The following ELAVL3 variants were observed in gnomAD, a reference collection of about 807,000 sequenced individuals.
ELAVL3 encodes the protein ELAV like RNA binding protein 3.
In ELAVL3, 8 loss-of-function variants were observed where a neutral mutation model predicts 34.2. The ratio of observed to expected loss-of-function variants is 0.23; its 90% CI spans 0.14 to 0.42. The LOEUF is 0.42. ELAVL3 is among the 10% of genes least tolerant of loss of function. The pLI is 1.00. For synonymous variants in ELAVL3, 209 were observed against 222.1 expected (o/e 0.94, Z 0.53); for missense variants, 273 against 518.8 (o/e 0.53, Z 4.60).
At chr19:11,470,247 C>T (rs141583541) in intron 1 of ELAVL3, among the ~76,000 whole-genome samples, 1,735 of 152,062 alleles carry the variant, frequency 0.011, 31 homozygotes, top group African/African-American at 0.04. Flanking sequence ...CCCAGCTACT[C>T]GGGAGGCTGA....
At chr19:11,472,832 A>C (rs1404685297) in intron 1 of ELAVL3, among the ~76,000 whole-genome samples, 1 of 152,006 alleles carries the variant, frequency 6.6e-6, no homozygotes, top group African/African-American at 2.4e-5. Flanking sequence ...TGGGAGACCA[A>C]GGGGGGGTGG....
rs1310246473 is a variant in ELAVL3, at chr19:11,458,706, G to T, written c.334-95C>A. 4 of 1,493,398 alleles carry T rather than the reference G, an allele frequency of 2.7e-6. No individual in the cohort carries two copies. The African/African-American group carries it at 5.5e-5, about 21-fold the overall frequency. 92.5% of individuals were successfully genotyped at this position (1,493,398 alleles called of 1,614,324 possible). A position where few individuals can be genotyped will look rare whatever the true frequency, so the allele number is the denominator to read the frequency against. On this transcript the variant is annotated intron_variant, in intron 3 of 6. Coordinates refer to ENST00000359227, the MANE Select transcript of ELAVL3 (RefSeq NM_001420.4). The surrounding 1 kb of genome is among the most constrained non-coding windows in gnomAD (Gnocchi z 7.3). ...TGTCTAAACCATCACGGAGTTAGCA[G>T]AAGTGACCCATCCGTCACTCAATAA...
chr19:11,469,833 G>T (rs978907385), intron 1 of ELAVL3, among the ~76,000 whole-genome samples: 1 of 152,140 alleles, frequency 6.6e-6, no homozygotes, highest in Non-Finnish European at 1.5e-5. Context: ...CAAGGTGGAC[G>T]GATTGCTTGA....
chr19:11,475,035 C>T (rs1300149736), intron 1 of ELAVL3, among the ~76,000 whole-genome samples: 1 of 152,096 alleles, frequency 6.6e-6, no homozygotes, highest in East Asian at 1.9e-4. Flanking sequence ...TCACCGTTAG[C>T]CAGGATGGTC....
intron 3 of ELAVL3, among the ~76,000 whole-genome samples, chr19:11,459,141 T>C: frequency 6.8e-6 from 1 of 146,056 alleles, no homozygotes; most frequent in African/African-American, 2.6e-5. Context: ...TTTTTTTTTT[T>C]GAGATGGAGT....
At chr19:11,465,028 C>CCA (rs1352456442) in intron 3 of ELAVL3, among the ~76,000 whole-genome samples, 1 of 127,776 alleles carries the variant, frequency 7.8e-6, no homozygotes, top group Non-Finnish European at 1.6e-5. Context: ...CATACACACA[C>CCA]CACACACACA....
At position 11,458,429 on chromosome 19, in the gene ELAVL3, G is replaced by T; in HGVS notation, c.487+29C>A. On this transcript the variant is annotated intron_variant, in intron 4 of 6. Transcript: ENST00000359227. The surrounding 1 kb of genome is among the most constrained non-coding windows in gnomAD (Gnocchi z 7.3). ...CTGACTGCCTTTGCCCAGCGCCCCC[G>T]CCAGGTGCACCCTCCCTGACTGCCT... 3 of 1,613,266 alleles carry T rather than the reference G, an allele frequency of 1.9e-6. No individual in the cohort carries two copies. The highest frequency in any genetic ancestry group is 2.5e-6 in the Non-Finnish European group (3 of 1,179,702).
At chr19:11,460,270 G>A (rs1346903821) in intron 3 of ELAVL3, among the ~76,000 whole-genome samples, 2 of 151,834 alleles carry the variant, frequency 1.3e-5, no homozygotes, top group Non-Finnish European at 2.9e-5. Context: ...CACTGCCACT[G>A]TCCCACCCTG....
chr19:11,464,535 G>A (rs1440556978), intron 3 of ELAVL3, among the ~76,000 whole-genome samples: 3 of 148,312 alleles, frequency 2.0e-5, no homozygotes, highest in African/African-American at 7.5e-5. Context: ...GGGACACCTG[G>A]ATCATAAACA....
Position 11,454,451 on chromosome 19 carries a change from C to G in ELAVL3, c.*75G>C. On this transcript the variant is annotated 3_prime_UTR_variant, in exon 7 of 7. Transcript: ENST00000359227. This position sits in a 1 kb window ranked among gnomAD's most constrained non-coding sequence, Gnocchi z 9.2. ...CTGTGCTGTCTCTCTTGGGCCCCTT[C>G]TCTCTCTCTCTCTCTCTTTCTCTCT... 13 of 636,460 alleles carry G rather than the reference C, an allele frequency of 2.0e-5. No individual in the cohort carries two copies. Among genetic ancestry groups the G allele is most frequent in the Non-Finnish European group, 2.6e-5 (12 of 454,602 alleles). 39.4% of individuals were successfully genotyped at this position (636,460 alleles called of 1,614,324 possible). A position where few individuals can be genotyped will look rare whatever the true frequency, so the allele number is the denominator to read the frequency against.
In ELAVL3 at chr19:11,477,865, T is replaced by A. The variant is rs375770225; in HGVS notation, c.9+2735A>T. ...CATCGCGCCCCGCTAACTTTTTATA[T>A]TTGTAGTAGAGACGGTGTTTCACCA... is the stretch of plus-strand genomic sequence containing the variant. On this transcript the variant is annotated intron_variant, in intron 1 of 6. Transcript: ENST00000359227. 1.5e-4 allele frequency among the ~76,000 whole-genome samples: 23 copies of A among 152,172 alleles called. No individual in the cohort carries two copies. The East Asian group carries it at 4.2e-3, about 28-fold the overall frequency.
intron 1 of ELAVL3, among the ~76,000 whole-genome samples, chr19:11,467,145 G>A (rs1289476275): frequency 2.6e-5 from 4 of 152,096 alleles, no homozygotes; most frequent in East Asian, 1.9e-4. Context: ...CTTTCACGTC[G>A]GGCGCAGTGG....
At chr19:11,477,628 T>C (rs1457778718) in intron 1 of ELAVL3, among the ~76,000 whole-genome samples, 1 of 151,946 alleles carries the variant, frequency 6.6e-6, no homozygotes, top group Non-Finnish European at 1.5e-5. Flanking sequence ...TGATATTTGC[T>C]ATAAGAGCCC....
At chr19:11,469,394 C>T (rs1413211844) in intron 1 of ELAVL3, among the ~76,000 whole-genome samples, 1 of 152,198 alleles carries the variant, frequency 6.6e-6, no homozygotes, top group Admixed American at 6.5e-5. Context: ...GATTCTCCTG[C>T]CTTAGCCTCC....
At chr19:11,467,854 A>G (rs1262794054) in intron 1 of ELAVL3, among the ~76,000 whole-genome samples, 1 of 152,144 alleles carries the variant, frequency 6.6e-6, no homozygotes, top group African/African-American at 2.4e-5. Flanking sequence ...CAGTGGTGCC[A>G]TGAAGTCTGA....
At position 11,480,956 on chromosome 19, in the gene ELAVL3, G is replaced by T. The variant is rs889541616; in HGVS notation, c.-348C>A. ...CTCTGCCTTTCGCCGCCGCCCCTCGGTCGGTCCTGTCCGGTCCCGTGTGTT... is the reference window on the plus strand; with the variant it reads ...CTCTGCCTTTCGCCGCCGCCCCTCGTTCGGTCCTGTCCGGTCCCGTGTGTT... On this transcript the variant is annotated 5_prime_UTR_variant, in exon 1 of 7. Coordinates refer to ENST00000359227, the MANE Select transcript of ELAVL3 (RefSeq NM_001420.4). The surrounding 1 kb of genome is among the most constrained non-coding windows in gnomAD (Gnocchi z 6.8). 8 of 252,852 alleles carry T rather than the reference G, an allele frequency of 3.2e-5. No homozygotes were observed. The highest frequency in any genetic ancestry group is 1.1e-3 in the Middle Eastern group (1 of 870). 15.7% of individuals were successfully genotyped at this position (252,852 alleles called of 1,614,324 possible).
In ELAVL3 at chr19:11,451,625, G is replaced by GGCCCCT; in HGVS notation, c.*2895_*2900dup. The GGCCCCT allele has an allele frequency of 6.6e-6, 1 of 151,664 alleles. No individual in the cohort carries two copies. The allele number at this position is 151,664 out of a possible 1,614,324, so 9.4% of individuals were successfully genotyped here. On this transcript the variant is annotated 3_prime_UTR_variant, in exon 7 of 7. Transcript: ENST00000359227. Reference sequence around the variant, plus strand: ...GGCTGAGCCCCCTCCCCCCTGGCCTGGCCCCTGCCCCCCAGGGACGTGGAA... The same window carrying GGCCCCT: ...GGCTGAGCCCCCTCCCCCCTGGCCTGGCCCCTGCCCCTGCCCCCCAGGGACGTGGAA...
chr19:11,462,648 A>T (rs150658032), intron 3 of ELAVL3, among the ~76,000 whole-genome samples: 97 of 149,720 alleles, frequency 6.5e-4, no homozygotes, highest in Non-Finnish European at 4.0e-4. Flanking sequence ...AAAAATAAAT[A>T]AATTAATTAA....
At chr19:11,467,055 A>G (rs374915789) in intron 1 of ELAVL3, among the ~76,000 whole-genome samples, 2 of 152,310 alleles carry the variant, frequency 1.3e-5, no homozygotes, top group South Asian at 2.1e-4. Context: ...AATCCCTTAT[A>G]TGACTACTAT....
Sources: allele counts gnomAD v4.1 joint callset (sites outside exome capture counted in the v4.1 genomes callset), GRCh38; gene constraint gnomAD v4.1.1; non-coding constraint Gnocchi (gnomAD v3.1); transcripts MANE v1.5; gene names NCBI Gene and HGNC (gene_info 2026-07-23, HGNC 2026-07-21).